Variants in ATG4B observed in about 807,000 individuals in gnomAD.
The protein encoded by ATG4B is cysteine protease ATG4B.
In ATG4B, 29 loss-of-function variants were observed where a neutral mutation model predicts 56.6. That is an observed-to-expected ratio of 0.51 (90% confidence interval 0.38 to 0.70). ATG4B has a LOEUF of 0.70. Ranked by LOEUF, ATG4B falls within the 30% of genes least tolerant of loss-of-function variation. ATG4B has a pLI of 0.00. For missense variants in ATG4B, 461 were observed against 515.5 expected (o/e 0.89, Z 1.02); for synonymous variants, 224 against 206.1 (o/e 1.09, Z -0.74).
At chr2:241,664,015 T>C (rs1412837673) in intron 7 of ATG4B, among the ~76,000 whole-genome samples, 2 of 152,050 alleles carry the variant, frequency 1.3e-5, no homozygotes, top group Non-Finnish European at 2.9e-5. Flanking sequence ...TCACCATATT[T>C]CACCATGTTG....
rs149908238 is a variant in ATG4B at position 241,642,386 on chromosome 2, G to A, written c.10+4662G>A. On this transcript the variant is annotated intron_variant, in intron 1 of 12. Coordinates refer to ENST00000404914, the MANE Select transcript of ATG4B (RefSeq NM_013325.5). ...TACTAGCATTCTCATGTAAACTCTT[G>A]GAGATTTAAAAAAAAGTAGTAATCA... Among the ~76,000 whole-genome samples, 174 of 151,480 alleles carry A rather than the reference G, an allele frequency of 1.1e-3. 1 individual carries two copies. The highest frequency in any genetic ancestry group is 3.8e-3 in the African/African-American group (156 of 41,372).
At chr2:241,662,868 G>T (rs910791874) in intron 7 of ATG4B, among the ~76,000 whole-genome samples, 1 of 151,086 alleles carries the variant, frequency 6.6e-6, no homozygotes, top group Non-Finnish European at 1.5e-5. Context: ...GGTGGCTCAC[G>T]CCTATAATCC....
chr2:241,655,095 T>G, intron 5 of ATG4B, 176 bp from the exon 6 acceptor site: 1 of 634,716 alleles, frequency 1.6e-6, no homozygotes, highest in Non-Finnish European at 2.8e-6. Context: ...GGACAGTCCC[T>G]GAGACCTTGT....
At chr2:241,667,774 G>A in intron 8 of ATG4B, 1 of 206,458 alleles carries the variant, frequency 4.8e-6, no homozygotes, top group Non-Finnish European at 9.6e-6. Context: ...CATCCTGTGG[G>A]GTCTCAGCTG....
At chr2:241,639,935 G>A (rs771641564) in intron 1 of ATG4B, among the ~76,000 whole-genome samples, 3 of 152,314 alleles carry the variant, frequency 2.0e-5, no homozygotes, top group Non-Finnish European at 2.9e-5. Context: ...GAGACTCGTC[G>A]CTTGGCTTTC....
chr2:241,668,393 A>G lies in ATG4B; in HGVS notation c.812-147A>G. 7.3e-7 allele frequency: 1 copy of G among 1,369,306 alleles called. No homozygotes were observed. The highest frequency in any genetic ancestry group is 1.0e-6 in the Non-Finnish European group (1 of 991,264). The allele number at this position is 1,369,306 out of a possible 1,614,324, so 84.8% of individuals were successfully genotyped here. The stretch of plus-strand genomic sequence containing the variant: ...GGCCTCCTGTGTGCCCCTTTCCCTG[A>G]TGGTCTGGTGCCCTCGGCTCCCTCC... On this transcript the variant is annotated intron_variant, in intron 9 of 12. Transcript: ENST00000404914. The surrounding 1 kb of genome is among the most constrained non-coding windows in gnomAD (Gnocchi z 4.2).
At chr2:241,653,489 T>C (rs1380224552) in intron 3 of ATG4B, 23 bp from the exon 4 acceptor site, 1 of 1,561,376 alleles carries the variant, frequency 6.4e-7, no homozygotes, top group East Asian at 2.4e-5. Context: ...CATGAGCACT[T>C]CTCTCTCTGT....
chr2:241,645,146 G>A (rs1026739145), intron 1 of ATG4B, among the ~76,000 whole-genome samples: 6 of 152,102 alleles, frequency 3.9e-5, no homozygotes, highest in South Asian at 2.1e-4. Context: ...AGGGCCTGCC[G>A]AGGGCATTCC....
At chr2:241,644,540 C>G (rs1359517932) in intron 1 of ATG4B, among the ~76,000 whole-genome samples, 1 of 152,126 alleles carries the variant, frequency 6.6e-6, no homozygotes, top group African/African-American at 2.4e-5. Context: ...TAGCTATCGA[C>G]CAGGCTCTCA....
intron 12 of ATG4B, 193 bp downstream of exon 12, chr2:241,671,598 A>G (rs2068973592): frequency 1.3e-6 from 2 of 1,507,918 alleles, no homozygotes; most frequent in African/African-American, 2.8e-5. Flanking sequence ...CCAGCAGCCC[A>G]GGACCCACCT....
intron 12 of ATG4B, 141 bp from the exon 13 acceptor site, chr2:241,672,050 A>C: frequency 1.8e-5 from 25 of 1,379,334 alleles, no homozygotes; most frequent in South Asian, 4.4e-5. Context: ...CAACCCCCGG[A>C]CCTGTTCACA....
At chr2:241,654,003 AAAAAAAAAG>A (rs1317070459) in intron 4 of ATG4B, among the ~76,000 whole-genome samples, 3 of 151,586 alleles carry the variant, frequency 2.0e-5, no homozygotes, top group African/African-American at 7.3e-5. Flanking sequence ...AAAAAAAAAA[AAAAAAAAAG>A]AAGAAGAAGA....
chr2:241,660,174 G>C (rs1489874714), intron 7 of ATG4B, among the ~76,000 whole-genome samples: 2 of 152,164 alleles, frequency 1.3e-5, no homozygotes, highest in African/African-American at 4.8e-5. Context: ...TGGCCACAGA[G>C]CGAGAATCCG....
At chr2:241,659,511 T>C in intron 7 of ATG4B, 1 of 391,680 alleles carries the variant, frequency 2.6e-6, no homozygotes, top group Non-Finnish European at 5.1e-6. Flanking sequence ...GGTGAAGTTA[T>C]TTTGCGTGCC....
intron 6 of ATG4B, 109 bp downstream of exon 6, chr2:241,655,452 T>C: frequency 1.1e-5 from 12 of 1,107,910 alleles, no homozygotes; most frequent in Non-Finnish European, 1.5e-5. Context: ...CTCTAATTAT[T>C]TACTTCATGG....
intron 6 of ATG4B, among the ~76,000 whole-genome samples, chr2:241,656,216 ATGGCAGTCAC>A (rs903435545): frequency 3.3e-5 from 5 of 152,048 alleles, no homozygotes; most frequent in Admixed American, 3.3e-4. Flanking sequence ...GCTCCTCAGC[ATGGCAGTCAC>A]TGTCTCCACC....
intron 8 of ATG4B, chr2:241,667,895 C>T (rs140337338): frequency 0.03 from 14,771 of 493,046 alleles, 532 homozygotes; most frequent in African/African-American, 0.11. Context: ...CCCTCACTCC[C>T]GGCCTCCCCA....
chr2:241,659,295 C>A, intron 7 of ATG4B, 108 bp downstream of exon 7: 1 of 987,116 alleles, frequency 1.0e-6, no homozygotes, highest in Non-Finnish European at 1.6e-6. Flanking sequence ...GTCAGTCGCC[C>A]CATGCCGTGC....
chr2:241,641,288 C>T (rs1157498412), intron 1 of ATG4B, among the ~76,000 whole-genome samples: 2 of 152,170 alleles, frequency 1.3e-5, no homozygotes, highest in African/African-American at 4.8e-5. Flanking sequence ...TGGTGGCTCA[C>T]GCCTGTAATC....
Sources: gnomAD v4.1 joint callset for allele counts (sites outside exome capture counted in the v4.1 genomes callset) on GRCh38, gnomAD v4.1.1 for gene constraint, Gnocchi (gnomAD v3.1) non-coding constraint, MANE v1.5 for transcripts, NCBI Gene and HGNC (gene_info 2026-07-23, HGNC 2026-07-21) for gene names.